The following SH3PXD2B variants were observed in gnomAD, a reference collection of about 807,000 sequenced individuals.
SH3PXD2B encodes SH3 and PX domains 2B, also known as SH3 and PX domain-containing protein 2B.
In SH3PXD2B, 37 loss-of-function variants were observed where a neutral mutation model predicts 73.1. That is an observed-to-expected ratio of 0.51 (90% confidence interval 0.39 to 0.67). The LOEUF (loss-of-function observed/expected upper bound fraction) is 0.67. Ranked by LOEUF, SH3PXD2B falls within the 30% of genes least tolerant of loss-of-function variation. The pLI is 0.00. For synonymous variants in SH3PXD2B, 457 were observed against 480.5 expected (o/e 0.95, Z 0.64); for missense variants, 1,053 against 1,197.8 (o/e 0.88, Z 1.78).
At chr5:172,330,419 A>C (rs1756532805), downstream of SH3PXD2B, among the ~76,000 whole-genome samples, 1 of 152,100 alleles carries the variant, frequency 6.6e-6, no homozygotes, top group African/African-American at 2.4e-5. Context: ...AAAATTGGAC[A>C]TTTTCCAGAG....
Position 172,355,805 on chromosome 5 carries a change from A to G in SH3PXD2B, c.668-1800T>C, listed in dbSNP as rs192646117. Reference sequence around the variant, plus strand: ...GTGATCCGCCCGCCTCGGCCTCCCAACGTGCTGGGACTATAGGTGTGAGCC... The same window carrying G: ...GTGATCCGCCCGCCTCGGCCTCCCAGCGTGCTGGGACTATAGGTGTGAGCC... On this transcript the variant is annotated intron_variant, in intron 8 of 12. Coordinates refer to ENST00000311601, the MANE Select transcript of SH3PXD2B (RefSeq NM_001017995.3). 5.0e-3 allele frequency among the ~76,000 whole-genome samples: 757 copies of G among 151,980 alleles called. 5 individuals carry two copies. The highest frequency in any genetic ancestry group is 0.017 in the African/African-American group (717 of 41,460).
intron 12 of SH3PXD2B, among the ~76,000 whole-genome samples, chr5:172,340,810 A>T (rs1339454150): frequency 6.6e-6 from 1 of 152,122 alleles, no homozygotes; most frequent in African/African-American, 2.4e-5. Flanking sequence ...GGCCAGGCTG[A>T]TCTCGAACTC....
Position 172,337,981 on chromosome 5 carries a change from T to G in SH3PXD2B, c.*388A>C. On this transcript the variant is annotated 3_prime_UTR_variant, in exon 13 of 13. Transcript: ENST00000311601. Reference sequence around the variant, plus strand: ...GGACTGGGTTGGCTGCCCCTTACTGTGCCATGTCCAAGCCATGAGAGACCC... The same window carrying G: ...GGACTGGGTTGGCTGCCCCTTACTGGGCCATGTCCAAGCCATGAGAGACCC... 8.8e-7 allele frequency: 1 copy of G among 1,136,172 alleles called. No individual in the cohort carries two copies. Among genetic ancestry groups the G allele is most frequent in the Non-Finnish European group, 1.1e-6 (1 of 922,344 alleles). 70.4% of individuals were successfully genotyped at this position (1,136,172 alleles called of 1,614,324 possible).
chr5:172,345,552 G>A (rs1470166309), intron 12 of SH3PXD2B, among the ~76,000 whole-genome samples: 1 of 152,158 alleles, frequency 6.6e-6, no homozygotes, highest in Admixed American at 6.5e-5. Context: ...CCAAACCCTG[G>A]CCCTAGCTGC....
chr5:172,382,258 G>T, intron 4 of SH3PXD2B, 131 bp from the exon 5 acceptor site: 1 of 691,830 alleles, frequency 1.4e-6, no homozygotes, highest in Non-Finnish European at 2.4e-6. Context: ...GGAGGTTGCA[G>T]TGAGCTGAGA....
At chr5:172,412,126 T>C (rs1758715507) in intron 2 of SH3PXD2B, among the ~76,000 whole-genome samples, 1 of 152,250 alleles carries the variant, frequency 6.6e-6, no homozygotes, top group Non-Finnish European at 1.5e-5. Context: ...ATCCATTTTA[T>C]AGCATGTGGC....
intron 6 of SH3PXD2B, among the ~76,000 whole-genome samples, chr5:172,366,932 A>ATTGTTTT (rs1757540679): frequency 1.3e-5 from 1 of 75,094 alleles, no homozygotes; most frequent in Non-Finnish European, 2.5e-5. Flanking sequence ...GTGCCCGGCC[A>ATTGTTTT]TTTTTTTTTT....
intron 3 of SH3PXD2B, among the ~76,000 whole-genome samples, chr5:172,400,404 C>T (rs557674074): frequency 1.3e-5 from 2 of 152,270 alleles, no homozygotes; most frequent in African/African-American, 2.4e-5. Context: ...TATTTCTTAT[C>T]GGGAGAACGA....
In SH3PXD2B at chr5:172,334,101, A is replaced by G; in HGVS notation, c.*4268T>C. 1 of 1,125,516 alleles carries G rather than the reference A, an allele frequency of 8.9e-7. No individual in the cohort carries two copies. Among genetic ancestry groups the G allele is most frequent in the Non-Finnish European group, 1.1e-6 (1 of 915,384 alleles). The allele number at this position is 1,125,516 out of a possible 1,614,324, so 69.7% of individuals were successfully genotyped here. On this transcript the variant is annotated 3_prime_UTR_variant, in exon 13 of 13. Coordinates refer to ENST00000311601, the MANE Select transcript of SH3PXD2B (RefSeq NM_001017995.3). ...GGTTGAGCCCCTCATCCCTGATTGG[A>G]GCTAAGAAGGCTTACTTTGGAGTCG...
At chr5:172,340,949 G>A (rs1386916466) in intron 12 of SH3PXD2B, among the ~76,000 whole-genome samples, 1 of 152,164 alleles carries the variant, frequency 6.6e-6, no homozygotes, top group Non-Finnish European at 1.5e-5. Flanking sequence ...AGAGATGCTC[G>A]TGTTTATATA....
intron 7 of SH3PXD2B, among the ~76,000 whole-genome samples, chr5:172,362,076 T>A (rs1288373650): frequency 6.6e-6 from 1 of 152,226 alleles, no homozygotes; most frequent in African/African-American, 2.4e-5. Context: ...AACCCACATT[T>A]TTTTGAGCAT....
At chr5:172,426,902 C>T (rs918471757) in intron 1 of SH3PXD2B, among the ~76,000 whole-genome samples, 2 of 152,334 alleles carry the variant, frequency 1.3e-5, no homozygotes, top group Non-Finnish European at 2.9e-5. Context: ...AGATGCAAGA[C>T]AAAACAGTCC....
intron 7 of SH3PXD2B, among the ~76,000 whole-genome samples, chr5:172,362,017 A>C (rs1757414490): frequency 1.3e-5 from 2 of 152,122 alleles, no homozygotes; most frequent in Non-Finnish European, 2.9e-5. Context: ...CTTTGCCTTC[A>C]ATGGGGTGCA....
chr5:172,353,468 AG>A lies in SH3PXD2B; in HGVS notation c.785+419del, dbSNP rs1198181028. 6.6e-6 allele frequency among the ~76,000 whole-genome samples: 1 copy of A among 152,180 alleles called. No individual in the cohort carries two copies. The highest frequency in any genetic ancestry group is 6.5e-5 in the Admixed American group (1 of 15,282). On this transcript the variant is annotated intron_variant, in intron 9 of 12. Transcript: ENST00000311601. The surrounding 1 kb of genome is among the most constrained non-coding windows in gnomAD (Gnocchi z 4.3). ...GCCCTGCTTTTACCATTGGACTTTG[AG>A]AGACGAGGGCAGATTATCAGCCTAG... is the stretch of plus-strand genomic sequence containing the variant.
At position 172,339,545 on chromosome 5, in the gene SH3PXD2B, G is replaced by A. The variant is rs1196495628; in HGVS notation, c.1560C>T (p.Pro520=). 2 of 1,614,180 alleles carry A rather than the reference G, an allele frequency of 1.2e-6. No individual in the cohort carries two copies. Among genetic ancestry groups the A allele is most frequent in the Admixed American group, 3.3e-5 (2 of 60,032 alleles). ...TGGATTCTTTCCGCGGAGGGAGGCT[G>A]GGCTTCTCCTCCATGTCGGGGTCTG... ...EISDPDMEEK[P]SLPPRKESII... is the part of the protein sequence containing the mutation. Residue 520 remains proline, a synonymous_variant, in exon 13 of 13, where the codon CCC becomes CCT. Transcript: ENST00000311601. This position sits in a 1 kb window ranked among gnomAD's most constrained non-coding sequence, Gnocchi z 6.1.
rs1554087696 is a variant in SH3PXD2B, at chr5:172,439,692, G to GCGCACACACACA, written c.75+14585_75+14586insTGTGTGTGTGCG. On this transcript the variant is annotated intron_variant, in intron 1 of 12. Transcript: ENST00000311601. ...TGTGCGTGCGTGCGCGCACGCGCGC[G>GCGCACACACACA]CACACACACACACACACACACACAC... 6.5e-4 allele frequency among the ~76,000 whole-genome samples: 90 copies of GCGCACACACACA among 138,602 alleles called. 1 individual carries two copies. Among genetic ancestry groups the GCGCACACACACA allele is most frequent in the African/African-American group, 2.5e-3 (88 of 35,694 alleles). 90.9% of individuals were successfully genotyped at this position (138,602 alleles called of 152,430 possible). A position where few individuals can be genotyped will look rare whatever the true frequency, so the allele number is the denominator to read the frequency against.
At chr5:172,413,323 A>G (rs903029877) in intron 2 of SH3PXD2B, among the ~76,000 whole-genome samples, 4 of 152,188 alleles carry the variant, frequency 2.6e-5, no homozygotes, top group Admixed American at 2.6e-4. Flanking sequence ...CTAAATATCA[A>G]TGTGTCTGGT....
chr5:172,339,604 C>A lies in SH3PXD2B; in HGVS notation c.1501G>T (p.Asp501Tyr). 1 of 1,614,262 alleles carries A rather than the reference C, an allele frequency of 6.2e-7. No individual in the cohort carries two copies. Reference protein sequence around the residue: ...SKDVLRKASSDMSASAGYEEI... With the variant: ...SKDVLRKASSYMSASAGYEEI... ...TCGTAGCCTGCTGACGCAGACATGT[C>A]TGAAGATGCCTTCCTCAGGACATCC... Residue 501 changes from aspartate to tyrosine, a missense_variant, in exon 13 of 13, where the codon GAC (aspartate) becomes TAC (tyrosine). Asp to Tyr is a radical substitution (Grantham distance 160, BLOSUM62 -3). Around this residue, in one of 2 missense-constraint regions of SH3PXD2B, gnomAD observed 587 missense variants for 590.7 expected, o/e 0.99. Transcript: ENST00000311601. The surrounding 1 kb of genome is among the most constrained non-coding windows in gnomAD (Gnocchi z 6.1).
chr5:172,378,425 GC>G (rs1336741606), intron 5 of SH3PXD2B, among the ~76,000 whole-genome samples: 2 of 152,226 alleles, frequency 1.3e-5, no homozygotes, highest in African/African-American at 2.4e-5. Context: ...AGGGAAGAAA[GC>G]TTTTGTTGGA....
Sources: allele counts gnomAD v4.1 joint callset (sites outside exome capture counted in the v4.1 genomes callset), GRCh38; gene constraint gnomAD v4.1.1; regional missense constraint gnomAD v4.1.1; non-coding constraint Gnocchi (gnomAD v3.1); transcripts MANE v1.5; gene names NCBI Gene and HGNC (gene_info 2026-07-23, HGNC 2026-07-21).